The following PHF24 variants were observed in gnomAD, a reference collection of about 807,000 sequenced individuals.
PHF24 encodes the protein Galpha inhibitory interacting protein.
A neutral mutation model predicts 42.6 loss-of-function variants in PHF24; 25 were observed. That is an observed-to-expected ratio of 0.59 (90% CI 0.43 to 0.82). The LOEUF is 0.82. PHF24 is among the 40% of genes least tolerant of loss of function. The pLI, the probability that PHF24 is intolerant of heterozygous loss-of-function variation, is 0.00. For synonymous variants in PHF24, 185 were observed against 204.8 expected (o/e 0.90, Z 0.83); for missense variants, 470 against 538.1 (o/e 0.87, Z 1.25).
chr9:34,934,696 A>T, the PHF24 span, among the ~76,000 whole-genome samples: 1 of 152,192 alleles, frequency 6.6e-6, no homozygotes, highest in African/African-American at 2.4e-5. Flanking sequence ...CCCTTCCCTT[A>T]CACAGGAAGG....
At chr9:34,673,529 G>A in the PHF24 span, among the ~76,000 whole-genome samples, 1 of 151,772 alleles carries the variant, frequency 6.6e-6, no homozygotes, top group Non-Finnish European at 1.5e-5. Context: ...GGAGTGCAGA[G>A]GTGTGATCTC....
At chr9:34,920,362 GACCTATGTGTCTGTTTTTATGCCAGT>G in the PHF24 span, among the ~76,000 whole-genome samples, 1 of 152,080 alleles carries the variant, frequency 6.6e-6, no homozygotes, top group Non-Finnish European at 1.5e-5. Flanking sequence ...CTGTCCCATT[GACCTATGTGTCTGTTTTTATGCCAGT>G]ACCATGCTCT....
At chr9:34,950,038 G>C in the PHF24 span, among the ~76,000 whole-genome samples, 2 of 151,572 alleles carry the variant, frequency 1.3e-5, no homozygotes, top group African/African-American at 4.8e-5. Flanking sequence ...GAAATCATAA[G>C]CCAGTTATGG....
the PHF24 span, among the ~76,000 whole-genome samples, chr9:34,837,869 C>T: frequency 2.6e-5 from 4 of 152,176 alleles, no homozygotes; most frequent in African/African-American, 9.7e-5. Context: ...TTTTCCTTCT[C>T]TGCTTATTTC....
At chr9:34,669,432 A>T in the PHF24 span, among the ~76,000 whole-genome samples, 1 of 151,948 alleles carries the variant, frequency 6.6e-6, no homozygotes, top group Non-Finnish European at 1.5e-5. Context: ...CCACACACAC[A>T]AGAGGCCATG....
chr9:34,933,912 T>G, the PHF24 span, among the ~76,000 whole-genome samples: 1 of 151,616 alleles, frequency 6.6e-6, no homozygotes, highest in African/African-American at 2.4e-5. Flanking sequence ...ACCTGGCTAA[T>G]TTTTGTACTT....
chr9:34,732,002 C>T, the PHF24 span, among the ~76,000 whole-genome samples: 1 of 150,828 alleles, frequency 6.6e-6, no homozygotes, highest in South Asian at 2.1e-4. Flanking sequence ...AGACATGCAC[C>T]ACCACACTTA....
chr9:34,903,856 C>T, the PHF24 span, among the ~76,000 whole-genome samples: 4 of 152,208 alleles, frequency 2.6e-5, no homozygotes, highest in Admixed American at 6.5e-5. Flanking sequence ...TTTCTTTCAG[C>T]AGTGTTCTGT....
chr9:34,696,588 G>T, the PHF24 span, among the ~76,000 whole-genome samples: 4 of 152,128 alleles, frequency 2.6e-5, no homozygotes, highest in East Asian at 7.7e-4. Context: ...ATATGGCTGA[G>T]GATCAGATCC....
the PHF24 span, chr9:34,922,420 G>A: frequency 3.7e-6 from 5 of 1,356,966 alleles, no homozygotes; most frequent in South Asian, 5.8e-5. Flanking sequence ...GCCAGACCCA[G>A]TCTGATAGGA....
chr9:34,703,421 G>A, the PHF24 span, among the ~76,000 whole-genome samples: 1 of 152,088 alleles, frequency 6.6e-6, no homozygotes, highest in Non-Finnish European at 1.5e-5. Context: ...CACCCGCCTC[G>A]GCCTCTCAAA....
At chr9:34,931,324 C>T in the PHF24 span, among the ~76,000 whole-genome samples, 4 of 136,230 alleles carry the variant, frequency 2.9e-5, no homozygotes, top group South Asian at 2.3e-4. Flanking sequence ...TGCAGTGAGC[C>T]GAGATAGTGC....
At chr9:34,783,077 C>T in the PHF24 span, among the ~76,000 whole-genome samples, 1 of 152,148 alleles carries the variant, frequency 6.6e-6, no homozygotes, top group Non-Finnish European at 1.5e-5. Context: ...CCTCATTTTT[C>T]AGCTTGACTC....
At chr9:34,709,270 C>T in the PHF24 span, 6 of 1,177,016 alleles carry the variant, frequency 5.1e-6, no homozygotes, top group Non-Finnish European at 7.4e-6. Context: ...AAGAGTGTGG[C>T]AAGGCCAGCA....
chr9:34,867,776 A>G, the PHF24 span, among the ~76,000 whole-genome samples: 1 of 152,290 alleles, frequency 6.6e-6, no homozygotes, highest in Middle Eastern at 3.4e-3. Flanking sequence ...TATGTTAGGT[A>G]TGTGGCTTTT....
At chr9:34,882,927 C>T in the PHF24 span, among the ~76,000 whole-genome samples, 1 of 152,196 alleles carries the variant, frequency 6.6e-6, no homozygotes, top group Non-Finnish European at 1.5e-5. Context: ...GCCAAAAGAA[C>T]AAAGCTGGAG....
At chr9:34,975,019 C>T (rs1011683333) in intron 3 of PHF24, among the ~76,000 whole-genome samples, 2 of 152,094 alleles carry the variant, frequency 1.3e-5, no homozygotes, top group African/African-American at 4.8e-5. Context: ...TGGACTGTTG[C>T]GGCAGCCCCC....
the PHF24 span, among the ~76,000 whole-genome samples, chr9:34,671,554 AT>A: frequency 1.3e-5 from 2 of 152,080 alleles, no homozygotes; most frequent in African/African-American, 4.8e-5. Flanking sequence ...ATTGAAGGAT[AT>A]TGTTTCTGGG....
chr9:34,807,619 A>G, the PHF24 span, among the ~76,000 whole-genome samples: 12 of 152,362 alleles, frequency 7.9e-5, no homozygotes, highest in East Asian at 2.1e-3. Context: ...AGTAATAACC[A>G]CTGAGAGAGT....
Sources: allele counts gnomAD v4.1 joint callset (sites outside exome capture counted in the v4.1 genomes callset), GRCh38; gene constraint gnomAD v4.1.1; transcripts MANE v1.5; gene names NCBI Gene and HGNC (gene_info 2026-07-23, HGNC 2026-07-21).